TP63: variants seen among roughly 807,000 people sequenced by gnomAD.
The protein encoded by TP63 is tumor protein 63.
In TP63, 17 loss-of-function variants were observed where a neutral mutation model predicts 82.8. The observed-to-expected ratio is 0.21, with a 90% CI of 0.14 to 0.31. The LOEUF (loss-of-function observed/expected upper bound fraction) is 0.31, where lower values mean the gene tolerates loss of function less well. Among genes scored for constraint, TP63 ranks in the 10% least tolerant of loss-of-function variants. TP63 has a pLI of 1.00. For synonymous variants in TP63, 330 were observed against 321.7 expected (o/e 1.03, Z -0.28); for missense variants, 648 against 895.3 (o/e 0.72, Z 3.52).
chr3:189,695,366 G>A (rs1717297239), intron 1 of TP63, among the ~76,000 whole-genome samples: 1 of 151,958 alleles, frequency 6.6e-6, no homozygotes, highest in Non-Finnish European at 1.5e-5. Flanking sequence ...TTGTTTGTTT[G>A]TTTGTTTTTC....
intron 1 of TP63, among the ~76,000 whole-genome samples, chr3:189,712,889 T>C (rs945549395): frequency 6.6e-6 from 1 of 152,142 alleles, no homozygotes; most frequent in Non-Finnish European, 1.5e-5. Flanking sequence ...AACCATGCCA[T>C]TGAGTTTGGG....
At chr3:189,617,209 C>G in the TP63 span, among the ~76,000 whole-genome samples, 5 of 152,208 alleles carry the variant, frequency 3.3e-5, no homozygotes, top group Non-Finnish European at 7.3e-5. Flanking sequence ...CCTGCCTGAT[C>G]AGCATGATCT....
chr3:189,614,416 T>C, the TP63 span, among the ~76,000 whole-genome samples: 1 of 152,186 alleles, frequency 6.6e-6, no homozygotes, highest in Non-Finnish European at 1.5e-5. Context: ...CAATTAAACC[T>C]CCTCCTTTTG....
chr3:189,812,923 A>G (rs192507481), intron 4 of TP63, among the ~76,000 whole-genome samples: 1 of 152,282 alleles, frequency 6.6e-6, no homozygotes, highest in East Asian at 1.9e-4. Context: ...TACTTTATAG[A>G]GGGACTGTGA....
chr3:189,860,811 T>G (rs898237902), intron 4 of TP63, among the ~76,000 whole-genome samples: 2 of 152,178 alleles, frequency 1.3e-5, no homozygotes, highest in African/African-American at 2.4e-5. Flanking sequence ...GGAATATCAC[T>G]TTTGTTGTTG....
At chr3:189,802,131 G>T (rs1277521693) in intron 3 of TP63, among the ~76,000 whole-genome samples, 1 of 152,184 alleles carries the variant, frequency 6.6e-6, no homozygotes, top group Non-Finnish European at 1.5e-5. Context: ...TGACAAGTAT[G>T]TCTCCCTTAG....
chr3:189,830,968 A>G (rs1431087570), intron 4 of TP63, among the ~76,000 whole-genome samples: 1 of 152,210 alleles, frequency 6.6e-6, no homozygotes, highest in Non-Finnish European at 1.5e-5. Context: ...TCTCACTACA[A>G]TACTAGGGAA....
chr3:189,705,143 G>T (rs1046917149), intron 1 of TP63, among the ~76,000 whole-genome samples: 4 of 152,168 alleles, frequency 2.6e-5, no homozygotes, highest in Admixed American at 1.3e-4. Context: ...GTTTCTCAAT[G>T]CTCAAGCTAT....
At chr3:189,688,594 A>G (rs980264086) in intron 1 of TP63, among the ~76,000 whole-genome samples, 4 of 152,148 alleles carry the variant, frequency 2.6e-5, no homozygotes, top group Admixed American at 2.0e-4. Flanking sequence ...CCCTTTTGCT[A>G]GTAAAGATGT....
rs563276936 is a variant in TP63, at chr3:189,692,065, T to G, written c.63-45675T>G. Among the ~76,000 whole-genome samples the G allele has an allele frequency of 2.0e-5, 3 of 152,310 alleles. No homozygotes were observed. In the East Asian group the frequency reaches 5.8e-4, roughly 29 times the overall value. ...CTTCGGAAGCACCTATAATCTTACC[T>G]TAATAACATTATTTCTAGCACTCTC... On this transcript the variant is annotated intron_variant, in intron 1 of 13. Coordinates refer to ENST00000264731, the MANE Select transcript of TP63 (RefSeq NM_003722.5).
chr3:189,657,688 G>A (rs1317954688), intron 1 of TP63, among the ~76,000 whole-genome samples: 4 of 152,112 alleles, frequency 2.6e-5, no homozygotes, highest in Non-Finnish European at 5.9e-5. Flanking sequence ...AAGAAAATGA[G>A]AGTGATTCAT....
chr3:189,884,845 C>T lies in TP63; in HGVS notation c.1350-1549C>T, dbSNP rs143606317. Among the ~76,000 whole-genome samples the T allele has an allele frequency of 6.5e-4, 99 of 152,318 alleles. No homozygotes were observed. In the Middle Eastern group the frequency reaches 0.01, roughly 16 times the overall value. On this transcript the variant is annotated intron_variant, in intron 10 of 13. Transcript: ENST00000264731. ...ATTGTTTGCATTCATCTAGCTGTGG[C>T]TCTCCATTGACATGGAATGGAGCCT...
At chr3:189,768,729 T>C (rs1723124246) in intron 3 of TP63, among the ~76,000 whole-genome samples, 1 of 152,160 alleles carries the variant, frequency 6.6e-6, no homozygotes, top group African/African-American at 2.4e-5. Context: ...TAGGTTGTTA[T>C]AAGAGAATGT....
At chr3:189,664,663 G>C (rs1318205896) in intron 1 of TP63, among the ~76,000 whole-genome samples, 2 of 151,974 alleles carry the variant, frequency 1.3e-5, no homozygotes, top group Non-Finnish European at 2.9e-5. Flanking sequence ...TATTGTATGT[G>C]CCTCTTATTT....
chr3:189,740,578 C>T (rs948909304), intron 3 of TP63, among the ~76,000 whole-genome samples: 1 of 151,860 alleles, frequency 6.6e-6, no homozygotes, highest in African/African-American at 2.4e-5. Context: ...AGGCTCACTG[C>T]AACCTCCGCC....
chr3:189,861,009 C>T (rs1363643480), intron 4 of TP63, among the ~76,000 whole-genome samples: 1 of 152,322 alleles, frequency 6.6e-6, no homozygotes, highest in Admixed American at 6.5e-5. Context: ...CTACCTTCCT[C>T]ATTTTTGGAG....
At chr3:189,804,964 T>C (rs1251801977) in intron 3 of TP63, among the ~76,000 whole-genome samples, 1 of 152,272 alleles carries the variant, frequency 6.6e-6, no homozygotes, top group African/African-American at 2.4e-5. Flanking sequence ...GTTATATTAA[T>C]TGAGGATTTA....
intron 4 of TP63, among the ~76,000 whole-genome samples, chr3:189,810,859 CAA>C (rs11474103): frequency 7.5e-5 from 9 of 120,206 alleles, no homozygotes; most frequent in Admixed American, 1.7e-4. Context: ...AGTCCGTCTC[CAA>C]AAAAAAAAAA....
intron 1 of TP63, among the ~76,000 whole-genome samples, chr3:189,672,164 A>G (rs1415505331): frequency 6.6e-6 from 1 of 152,146 alleles, no homozygotes; most frequent in East Asian, 1.9e-4. Flanking sequence ...TCCCATAAAT[A>G]TGTACAATTA....
Sources: allele counts gnomAD v4.1 joint callset (sites outside exome capture counted in the v4.1 genomes callset), GRCh38; gene constraint gnomAD v4.1.1; transcripts MANE v1.5; gene names NCBI Gene and HGNC (gene_info 2026-07-23, HGNC 2026-07-21).